PARD3B: variants seen among roughly 807,000 people sequenced by gnomAD.
PARD3B encodes the protein par-3 family cell polarity regulator beta, also known as partitioning defective 3 homolog B.
A neutral mutation model predicts 130.2 loss-of-function variants in PARD3B; 103 were observed. The observed-to-expected ratio is 0.79, with a 90% CI of 0.67 to 0.93. PARD3B has a LOEUF of 0.93. Among genes scored for constraint, PARD3B ranks in the 40% least tolerant of loss-of-function variants. The pLI is 0.00. For missense variants in PARD3B, 1,609 were observed against 1,499.2 expected, an observed-to-expected ratio of 1.07 and a Z score of -1.21; for synonymous variants, 583 against 553.2, an observed-to-expected ratio of 1.05 and a Z score of -0.76.
intron 2 of PARD3B, among the ~76,000 whole-genome samples, chr2:204,950,266 A>G (rs908545469): frequency 2.0e-5 from 3 of 152,342 alleles, no homozygotes; most frequent in Admixed American, 2.0e-4. Flanking sequence ...TAAATGAGAT[A>G]ATACAGTCTG....
At chr2:204,764,578 T>C (rs1199497896) in intron 2 of PARD3B, among the ~76,000 whole-genome samples, 1 of 152,158 alleles carries the variant, frequency 6.6e-6, no homozygotes, top group East Asian at 1.9e-4. Flanking sequence ...ATAGAAGTTT[T>C]ACTAAGATTG....
chr2:205,416,506 C>T (rs2046780861), intron 19 of PARD3B, among the ~76,000 whole-genome samples: 1 of 151,966 alleles, frequency 6.6e-6, no homozygotes, highest in African/African-American at 2.4e-5. Context: ...ACTGGAACAC[C>T]TGTGGGGAAG....
chr2:205,497,923 T>C (rs551513077), intron 20 of PARD3B, among the ~76,000 whole-genome samples: 5 of 151,948 alleles, frequency 3.3e-5, no homozygotes, highest in Admixed American at 3.3e-4. Context: ...ATGCCTGTAA[T>C]CCTAGCACTT....
intron 2 of PARD3B, among the ~76,000 whole-genome samples, chr2:204,849,158 G>A (rs1310995244): frequency 2.0e-5 from 3 of 152,058 alleles, no homozygotes; most frequent in African/African-American, 7.2e-5. Context: ...CATCCACTGA[G>A]ATTTAAGAGT....
chr2:204,837,174 G>A (rs1407296908), intron 2 of PARD3B, among the ~76,000 whole-genome samples: 3 of 152,120 alleles, frequency 2.0e-5, no homozygotes, highest in Admixed American at 1.3e-4. Flanking sequence ...TAACAATGAC[G>A]TTATCTAGTA....
intron 2 of PARD3B, among the ~76,000 whole-genome samples, chr2:204,952,564 A>C (rs1391808595): frequency 6.6e-6 from 1 of 152,228 alleles, no homozygotes; most frequent in Non-Finnish European, 1.5e-5. Flanking sequence ...AATTTGCAAA[A>C]ATAAAAGACA....
chr2:204,860,830 TA>T (rs942799466), intron 2 of PARD3B, among the ~76,000 whole-genome samples: 36 of 151,786 alleles, frequency 2.4e-4, no homozygotes, highest in Non-Finnish European at 3.5e-4. Flanking sequence ...TTTGATAAGT[TA>T]AAAAAAAATC....
chr2:204,706,299 A>G (rs2038149988), intron 2 of PARD3B, among the ~76,000 whole-genome samples: 1 of 151,560 alleles, frequency 6.6e-6, no homozygotes, highest in Non-Finnish European at 1.5e-5. Context: ...CCTAGGAGGC[A>G]GAGGTTGCAG....
chr2:204,561,374 C>T (rs756221010), intron 1 of PARD3B, among the ~76,000 whole-genome samples: 51 of 152,226 alleles, frequency 3.4e-4, no homozygotes, highest in African/African-American at 1.1e-3. Flanking sequence ...TTTGTTCCTC[C>T]GGACCCGCTC....
chr2:205,421,834 C>T lies in PARD3B; in HGVS notation c.2742-18536C>T, dbSNP rs1200765935. ...TACTTGGCTGCCTATGTTCCTGGCT[C>T]ATGGCTCCTTCTGCCATTTTTAAAG... On this transcript the variant is annotated intron_variant, in intron 19 of 22. Transcript: ENST00000406610. The surrounding 1 kb of genome is among the most constrained non-coding windows in gnomAD (Gnocchi z 5.1). 2.0e-5 allele frequency among the ~76,000 whole-genome samples: 3 copies of T among 152,200 alleles called. No homozygotes were observed. Among genetic ancestry groups the T allele is most frequent in the Non-Finnish European group, 2.9e-5 (2 of 68,036 alleles).
At chr2:204,676,887 C>T (rs931124996) in intron 1 of PARD3B, among the ~76,000 whole-genome samples, 1 of 152,098 alleles carries the variant, frequency 6.6e-6, no homozygotes, top group African/African-American at 2.4e-5. Flanking sequence ...TCAGGGTGGT[C>T]TCAAACTCCT....
chr2:204,598,646 A>G (rs1868068), intron 1 of PARD3B, among the ~76,000 whole-genome samples: 91,730 of 151,964 alleles, frequency 0.6, 31,476 homozygotes, highest in Non-Finnish European at 0.76. Flanking sequence ...TATGTGTACA[A>G]TATTATATTG....
intron 1 of PARD3B, among the ~76,000 whole-genome samples, chr2:204,615,421 T>A (rs1214032399): frequency 6.6e-6 from 1 of 152,204 alleles, no homozygotes; most frequent in African/African-American, 2.4e-5. Context: ...TTGAAAAACA[T>A]TGGTTGACTG....
chr2:204,741,172 A>G (rs1279278928), intron 2 of PARD3B, among the ~76,000 whole-genome samples: 2 of 152,200 alleles, frequency 1.3e-5, no homozygotes, highest in Non-Finnish European at 2.9e-5. Context: ...GTAGAGAGCT[A>G]ACAACTTTTG....
At chr2:205,593,928 T>C (rs1342903594) in intron 22 of PARD3B, among the ~76,000 whole-genome samples, 1 of 152,232 alleles carries the variant, frequency 6.6e-6, no homozygotes, top group African/African-American at 2.4e-5. Flanking sequence ...TCCAATGTGC[T>C]GTCACCCATA....
At chr2:205,298,046 T>C (rs991494372) in intron 16 of PARD3B, among the ~76,000 whole-genome samples, 3 of 152,224 alleles carry the variant, frequency 2.0e-5, no homozygotes, top group African/African-American at 7.2e-5. Context: ...ACGTGCCTTC[T>C]ATCTTGGACG....
At chr2:205,107,100 C>G (rs1178932487) in intron 5 of PARD3B, among the ~76,000 whole-genome samples, 1 of 152,190 alleles carries the variant, frequency 6.6e-6, no homozygotes, top group African/African-American at 2.4e-5. Context: ...TAGTCTATCT[C>G]AAAATGTCTT....
chr2:205,395,750 A>G (rs925123855), intron 18 of PARD3B, among the ~76,000 whole-genome samples: 3 of 152,150 alleles, frequency 2.0e-5, no homozygotes, highest in African/African-American at 7.2e-5. Flanking sequence ...ACTGGTTTTA[A>G]TTATGTTACT....
chr2:204,862,729 A>G (rs1393268905), intron 2 of PARD3B, among the ~76,000 whole-genome samples: 4 of 151,946 alleles, frequency 2.6e-5, no homozygotes, highest in African/African-American at 9.7e-5. Flanking sequence ...TTTCCCCTCT[A>G]CTGTTGCAGA....
Sources: gnomAD v4.1 joint callset for allele counts (sites outside exome capture counted in the v4.1 genomes callset) on GRCh38, gnomAD v4.1.1 for gene constraint, Gnocchi (gnomAD v3.1) non-coding constraint, MANE v1.5 for transcripts, NCBI Gene and HGNC (gene_info 2026-07-23, HGNC 2026-07-21) for gene names.